The following FER1L6 variants were observed in gnomAD, a reference collection of about 807,000 sequenced individuals.
FER1L6 encodes the protein fer-1-like protein 6.
A neutral mutation model predicts 219.2 loss-of-function variants in FER1L6; 177 were observed. The observed-to-expected ratio is 0.81, with a 90% confidence interval of 0.71 to 0.91. The LOEUF is 0.91. Ranked by LOEUF, FER1L6 falls within the 40% of genes least tolerant of loss-of-function variation. The pLI, the probability that FER1L6 is intolerant of heterozygous loss-of-function variation, is 0.00. For synonymous variants in FER1L6, 768 were observed against 824.3 expected (o/e 0.93, Z 1.17); for missense variants, 2,153 against 2,259.9 (o/e 0.95, Z 0.96).
At chr8:124,023,637 GTTT>G in intron 18 of FER1L6, 41 bp downstream of exon 18, 5 of 1,602,772 alleles carry the variant, frequency 3.1e-6, no homozygotes, top group Non-Finnish European at 4.3e-6. Context: ...GGAGATTTCT[GTTT>G]CTCTAGGGTG....
chr8:123,864,538 A>C (rs1325946418), intron 1 of FER1L6, among the ~76,000 whole-genome samples: 3 of 149,162 alleles, frequency 2.0e-5, no homozygotes, highest in Non-Finnish European at 4.4e-5. Context: ...GCCTTGCTAG[A>C]TTGGGGAAGT....
rs575012336 is a variant in FER1L6 at position 123,955,298 on chromosome 8, G to C, written c.-7-694G>C. 1.4e-4 allele frequency among the ~76,000 whole-genome samples: 21 copies of C among 152,284 alleles called. No homozygotes were observed. In the East Asian group the frequency reaches 3.9e-3, roughly 28 times the overall value. ...TTGCAGTGGGTGGGGAGAGAAGGAG[G>C]CTTGGAAATGGCTTCCTGCTTATGG... On this transcript the variant is annotated intron_variant, in intron 1 of 40. Coordinates refer to ENST00000522917, the MANE Select transcript of FER1L6 (RefSeq NM_001039112.2).
chr8:124,020,194 C>T (rs1235943014), intron 16 of FER1L6, among the ~76,000 whole-genome samples: 1 of 152,186 alleles, frequency 6.6e-6, no homozygotes, highest in African/African-American at 2.4e-5. Context: ...GTGACTTGCT[C>T]CTCCTTGCCT....
At chr8:123,989,962 A>G (rs1816770995) in intron 12 of FER1L6, among the ~76,000 whole-genome samples, 1 of 152,138 alleles carries the variant, frequency 6.6e-6, no homozygotes, top group African/African-American at 2.4e-5. Context: ...TGGTAGATCT[A>G]CTTTTAGTTC....
At chr8:124,107,351 G>A (rs1822824794) in intron 39 of FER1L6, among the ~76,000 whole-genome samples, 1 of 152,166 alleles carries the variant, frequency 6.6e-6, no homozygotes, top group Non-Finnish European at 1.5e-5. Context: ...TGATTTATAT[G>A]ATTATCTAAG....
rs1821589448 is a variant in FER1L6, at chr8:124,082,345, T to C, written c.4278T>C (p.Tyr1426=). ...PKESLLSILI[Y]DHDMIGTDDL... is the part of the protein sequence containing the mutation. ...AGTCCCTGCTCTCCATCCTGATCTA[T>C]GACCATGACATGATTGGCACAGATG... is the stretch of plus-strand genomic sequence containing the variant. The change falls in exon 33 of 41, where the codon TAT becomes TAC. Residue 1426 remains tyrosine (Y), a synonymous_variant. Transcript: ENST00000522917. 6.2e-7 allele frequency: 1 copy of C among 1,614,016 alleles called. No homozygotes were observed. Among genetic ancestry groups the C allele is most frequent in the Non-Finnish European group, 8.5e-7 (1 of 1,179,912 alleles).
intron 18 of FER1L6, among the ~76,000 whole-genome samples, chr8:124,025,927 T>C (rs1818688954): frequency 6.6e-6 from 1 of 152,232 alleles, no homozygotes; most frequent in Admixed American, 6.5e-5. Flanking sequence ...CTCACATGAG[T>C]TAATCTGTAT....
intron 1 of FER1L6, among the ~76,000 whole-genome samples, chr8:123,880,930 C>T (rs569848831): frequency 1.3e-5 from 2 of 152,148 alleles, no homozygotes; most frequent in South Asian, 2.1e-4. Context: ...CCTCCCCTGG[C>T]CTTTTACTTG....
At chr8:123,935,910 A>G (rs1813970260) in intron 1 of FER1L6, among the ~76,000 whole-genome samples, 1 of 147,192 alleles carries the variant, frequency 6.8e-6, no homozygotes, top group Admixed American at 6.7e-5. Context: ...GAAAATGGAG[A>G]AAGTGATGAG....
At chr8:123,956,295 C>T (rs1249924178) in intron 2 of FER1L6, among the ~76,000 whole-genome samples, 2 of 152,226 alleles carry the variant, frequency 1.3e-5, no homozygotes, top group Non-Finnish European at 2.9e-5. Context: ...GTAAGGGGTC[C>T]CTGTGAGAAA....
chr8:124,080,067 C>T (rs1708029485), intron 32 of FER1L6, among the ~76,000 whole-genome samples: 2 of 152,152 alleles, frequency 1.3e-5, no homozygotes, highest in Non-Finnish European at 2.9e-5. Flanking sequence ...ATAGTAGACA[C>T]ATAATAAATG....
intron 11 of FER1L6, among the ~76,000 whole-genome samples, chr8:123,981,302 A>G (rs1348908326): frequency 6.6e-6 from 1 of 152,166 alleles, no homozygotes; most frequent in African/African-American, 2.4e-5. Context: ...GGGTATGCTT[A>G]TTACTCACCA....
At chr8:124,014,705 T>C (rs73706340) in intron 15 of FER1L6, among the ~76,000 whole-genome samples, 3,940 of 152,216 alleles carry the variant, frequency 0.026, 161 homozygotes, top group African/African-American at 0.089. Context: ...TACAACATAT[T>C]GAGTACCAAT....
At chr8:124,046,063 CAA>C (rs563157884) in intron 21 of FER1L6, 162 bp downstream of exon 21, 174 of 675,082 alleles carry the variant, frequency 2.6e-4, no homozygotes, top group African/African-American at 2.5e-3. Context: ...TTCACAGAAC[CAA>C]AAAGATTGGT....
intron 1 of FER1L6, among the ~76,000 whole-genome samples, chr8:123,884,396 C>T (rs1022755145): frequency 4.6e-5 from 7 of 152,202 alleles, no homozygotes; most frequent in African/African-American, 1.7e-4. Context: ...GTCCTCTGCC[C>T]CAAAGTCACA....
chr8:124,013,708 A>C, intron 15 of FER1L6, 177 bp downstream of exon 15: 1 of 415,516 alleles, frequency 2.4e-6, no homozygotes, highest in Non-Finnish European at 4.3e-6. Context: ...TTGCTTCTTG[A>C]CACTGTAACA....
intron 9 of FER1L6, among the ~76,000 whole-genome samples, chr8:123,976,379 G>A (rs111698204): frequency 0.028 from 4,241 of 152,058 alleles, 89 homozygotes; most frequent in Non-Finnish European, 0.046. Context: ...GCGTGGTGGT[G>A]CACCCCTGTA....
chr8:123,979,987 T>C (rs760380617), intron 10 of FER1L6, among the ~76,000 whole-genome samples: 2 of 152,168 alleles, frequency 1.3e-5, no homozygotes, highest in Non-Finnish European at 2.9e-5. Context: ...GAACACACAC[T>C]CTCTCTCTTC....
intron 31 of FER1L6, among the ~76,000 whole-genome samples, chr8:124,073,565 C>T (rs1225903018): frequency 6.6e-6 from 1 of 152,112 alleles, no homozygotes; most frequent in Admixed American, 6.5e-5. Flanking sequence ...CAAATTTCCC[C>T]ACCTCTTTTT....
Sources: allele counts gnomAD v4.1 joint callset (sites outside exome capture counted in the v4.1 genomes callset), GRCh38; gene constraint gnomAD v4.1.1; transcripts MANE v1.5; gene names NCBI Gene and HGNC (gene_info 2026-07-23, HGNC 2026-07-21).